Variants in LDB2 observed in about 807,000 individuals in gnomAD.
The protein encoded by LDB2 is LIM domain-binding protein 2.
In LDB2, 12 loss-of-function variants were observed where a neutral mutation model predicts 44.3. The observed-to-expected ratio is 0.27, with a 90% CI of 0.17 to 0.44. The LOEUF is 0.44. Ranked by LOEUF, LDB2 falls within the 20% of genes least tolerant of loss-of-function variation. The pLI is 1.00. For synonymous variants in LDB2, 164 were observed against 174.8 expected (o/e 0.94, Z 0.49); for missense variants, 344 against 473.5 (o/e 0.73, Z 2.54).
chr4:16,561,679 A>C (rs1742350719), intron 5 of LDB2, among the ~76,000 whole-genome samples: 1 of 152,206 alleles, frequency 6.6e-6, no homozygotes, highest in Non-Finnish European at 1.5e-5. Context: ...ATCCCCATCA[A>C]GCCACCAATG....
chr4:16,507,269 A>C (rs1719851635), intron 7 of LDB2: 1 of 152,090 alleles, frequency 6.6e-6, no homozygotes, highest in African/African-American at 2.4e-5. Context: ...CCTTCTTTCT[A>C]ATGCAGTGGG....
intron 2 of LDB2, among the ~76,000 whole-genome samples, chr4:16,749,767 TG>T (rs1273042307): frequency 6.6e-6 from 1 of 151,966 alleles, no homozygotes; most frequent in African/African-American, 2.4e-5. Context: ...TCAGACATCA[TG>T]GGTCACATTT....
intron 1 of LDB2, among the ~76,000 whole-genome samples, chr4:16,897,937 TAC>T (rs1250046202): frequency 6.3e-4 from 12 of 19,020 alleles, no homozygotes; most frequent in African/African-American, 4.5e-3. Context: ...TATATATATA[TAC>T]ACATATGTAT....
At chr4:16,638,604 T>C (rs565600815) in intron 2 of LDB2, among the ~76,000 whole-genome samples, 1 of 152,346 alleles carries the variant, frequency 6.6e-6, no homozygotes, top group South Asian at 2.1e-4. Context: ...TCTAATTAAT[T>C]TGTATTGCTT....
intron 2 of LDB2, among the ~76,000 whole-genome samples, chr4:16,699,875 C>T (rs1753053275): frequency 6.6e-6 from 1 of 152,126 alleles, no homozygotes. Flanking sequence ...GCTGCATCCA[C>T]TTAGAACGCA....
intron 5 of LDB2, among the ~76,000 whole-genome samples, chr4:16,518,427 A>G (rs1724667681): frequency 6.6e-6 from 1 of 151,576 alleles, no homozygotes; most frequent in Admixed American, 6.6e-5. Flanking sequence ...TACTCTTTGT[A>G]TGTAGGTCTC....
Position 16,674,382 on chromosome 4 carries a change from G to A in LDB2, c.236-78507C>T, listed in dbSNP as rs747426380. 3.2e-5 allele frequency: 23 copies of A among 718,550 alleles called. 1 individual carries two copies. Among genetic ancestry groups the A allele is most frequent in the South Asian group, 1.6e-4 (11 of 69,144 alleles). The allele number at this position is 718,550 out of a possible 1,614,324, so 44.5% of individuals were successfully genotyped here. A position where few individuals can be genotyped will look rare whatever the true frequency, so the allele number is the denominator to read the frequency against. On this transcript the variant is annotated intron_variant, in intron 2 of 7. Coordinates refer to ENST00000304523, the MANE Select transcript of LDB2 (RefSeq NM_001290.5). ...AGATAAGAGCAGTTGCCCTGGAGGCGGTGTTAGAAGCAGGGACCCCAGCTC... is the reference window on the plus strand; with the variant it reads ...AGATAAGAGCAGTTGCCCTGGAGGCAGTGTTAGAAGCAGGGACCCCAGCTC...
intron 5 of LDB2, chr4:16,581,493 T>G (rs11730714): frequency 1.7e-4 from 161 of 933,896 alleles, no homozygotes; most frequent in Non-Finnish European, 2.0e-4. Context: ...AAACACCTAC[T>G]TTTGTTGGTA....
At chr4:16,551,698 A>G (rs1737736765) in intron 5 of LDB2, among the ~76,000 whole-genome samples, 1 of 151,972 alleles carries the variant, frequency 6.6e-6, no homozygotes, top group South Asian at 2.1e-4. Context: ...TTGTATTTTT[A>G]ATAGAGAGGA....
intron 2 of LDB2, among the ~76,000 whole-genome samples, chr4:16,753,055 T>G (rs1249184965): frequency 6.6e-6 from 1 of 152,200 alleles, no homozygotes; most frequent in Admixed American, 6.5e-5. Flanking sequence ...GCATTATTCC[T>G]AGAAAAAACA....
intron 5 of LDB2, among the ~76,000 whole-genome samples, chr4:16,585,341 G>T (rs1179386517): frequency 2.6e-5 from 4 of 152,170 alleles, no homozygotes; most frequent in African/African-American, 9.7e-5. Flanking sequence ...GGGCGGGTGG[G>T]GAGCACAGCT....
intron 5 of LDB2, among the ~76,000 whole-genome samples, chr4:16,525,783 T>A (rs1482629389): frequency 6.6e-6 from 1 of 152,120 alleles, no homozygotes; most frequent in East Asian, 1.9e-4. Context: ...AAAGGTAACG[T>A]AGGGAAGAGG....
chr4:16,610,995 C>G (rs930042190), intron 2 of LDB2, among the ~76,000 whole-genome samples: 1 of 152,148 alleles, frequency 6.6e-6, no homozygotes, highest in Non-Finnish European at 1.5e-5. Flanking sequence ...AAGGGAAGCC[C>G]ATCAGACTAA....
chr4:16,706,581 G>T (rs749781157), intron 2 of LDB2, among the ~76,000 whole-genome samples: 4 of 152,210 alleles, frequency 2.6e-5, no homozygotes, highest in African/African-American at 4.8e-5. Context: ...ATGATTCTGG[G>T]TGTTAAGTTA....
chr4:16,701,741 C>G (rs1223422015), intron 2 of LDB2, among the ~76,000 whole-genome samples: 1 of 152,186 alleles, frequency 6.6e-6, no homozygotes, highest in African/African-American at 2.4e-5. Context: ...TGGCTGGGAT[C>G]TAGTCCTGTT....
At chr4:16,510,653 C>T (rs1244874399) in intron 6 of LDB2, among the ~76,000 whole-genome samples, 1 of 152,146 alleles carries the variant, frequency 6.6e-6, no homozygotes, top group African/African-American at 2.4e-5. Flanking sequence ...GTGACACAGT[C>T]CTCCTTCATT....
At chr4:16,698,006 G>T (rs1025391688) in intron 2 of LDB2, among the ~76,000 whole-genome samples, 1 of 152,268 alleles carries the variant, frequency 6.6e-6, no homozygotes, top group East Asian at 1.9e-4. Flanking sequence ...TTTTGTGTGT[G>T]TATTCGTTAT....
Position 16,582,601 on chromosome 4 carries a change from C to T in LDB2, c.615+3321G>A, listed in dbSNP as rs912484593. 2.0e-5 allele frequency among the ~76,000 whole-genome samples: 3 copies of T among 152,182 alleles called. No homozygotes were observed. Among genetic ancestry groups the T allele is most frequent in the South Asian group, 2.1e-4 (1 of 4,822 alleles). The stretch of plus-strand genomic sequence containing the variant: ...GACATGCTTCGTGAAACCCACCACC[C>T]GGTATCGGAATACCCAACAGCAACA... On this transcript the variant is annotated intron_variant, in intron 5 of 7. Transcript: ENST00000304523. This position sits in a 1 kb window ranked among gnomAD's most constrained non-coding sequence, Gnocchi z 4.8.
chr4:16,865,700 G>T (rs773022816), intron 1 of LDB2, among the ~76,000 whole-genome samples: 1 of 152,206 alleles, frequency 6.6e-6, no homozygotes, highest in Non-Finnish European at 1.5e-5. Flanking sequence ...CTCTTTGCAC[G>T]TGGCTGTCTA....
Sources: gnomAD v4.1 joint callset for allele counts (sites outside exome capture counted in the v4.1 genomes callset) on GRCh38, gnomAD v4.1.1 for gene constraint, Gnocchi (gnomAD v3.1) non-coding constraint, MANE v1.5 for transcripts, NCBI Gene and HGNC (gene_info 2026-07-23, HGNC 2026-07-21) for gene names.